LIPA: variants seen among roughly 807,000 people sequenced by gnomAD.
The protein encoded by LIPA is lipase A, lysosomal acid type.
LIPA carries 26 observed loss-of-function variants against 40.6 expected under a neutral mutation model. The ratio of observed to expected loss-of-function variants is 0.64; its 90% CI spans 0.47 to 0.89. LIPA has a LOEUF of 0.89. Among genes scored for constraint, LIPA ranks in the 40% least tolerant of loss-of-function variants. The pLI is 0.00. For missense variants in LIPA, 455 were observed against 479.6 expected (o/e 0.95, Z 0.48); for synonymous variants, 188 against 168.4 (o/e 1.12, Z -0.90).
chr10:89,230,606 C>T (rs988525729), intron 3 of LIPA, among the ~76,000 whole-genome samples: 4 of 152,058 alleles, frequency 2.6e-5, no homozygotes, highest in Admixed American at 2.6e-4. Flanking sequence ...ACGCCCAGCC[C>T]GATCATGAGT....
At chr10:89,401,600 C>G (rs944195114) in intron 2 of LIPA, among the ~76,000 whole-genome samples, 27 of 151,800 alleles carry the variant, frequency 1.8e-4, no homozygotes, top group African/African-American at 6.5e-4. Context: ...CATAGGCTTA[C>G]GTGAAAAAAA....
At chr10:89,389,950 A>G (rs903966253) in intron 2 of LIPA, among the ~76,000 whole-genome samples, 95 of 150,154 alleles carry the variant, frequency 6.3e-4, no homozygotes, top group Non-Finnish European at 1.5e-4. Flanking sequence ...GCAGGTCTAC[A>G]TCAAAATCAC....
chr10:89,238,226 C>T (rs962574073), intron 3 of LIPA, among the ~76,000 whole-genome samples: 1 of 152,160 alleles, frequency 6.6e-6, no homozygotes, highest in Admixed American at 6.6e-5. Flanking sequence ...TAAATAAAGT[C>T]AAGAGCTAAT....
rs762559980 is a variant in LIPA at position 89,226,950 on chromosome 10, AT to A, written c.482del (p.Asn161IlefsTer19). ...AATACACTTGTTCTTGGCCAGTTTT[AT>A]TCAGAATGAAGTTAATGGAAGCTGG... Reference protein sequence around the residue: ...DLPASINFILNKTGQEQVYYV... With the variant: ...DLPASINFILXKTGQEQVYYV... On this transcript the variant is annotated frameshift_variant, in exon 5 of 10. Transcript: ENST00000336233. LOFTEE classifies it high-confidence loss of function. 24 of 1,613,520 alleles carry A rather than the reference AT, an allele frequency of 1.5e-5. No individual in the cohort carries two copies. The highest frequency in any genetic ancestry group is 1.7e-5 in the Non-Finnish European group (20 of 1,179,676).
At chr10:89,286,156 T>A (rs1049817254) in intron 1 of LIPA, among the ~76,000 whole-genome samples, 1 of 152,102 alleles carries the variant, frequency 6.6e-6, no homozygotes, top group Admixed American at 6.5e-5. Context: ...GTGCCTGACG[T>A]CCAGGCATTC....
Position 89,373,334 on chromosome 10 carries a change from C to CAAA in LIPA, c.61+39454_61+39456dup, listed in dbSNP as rs34479360. ...TGGGCGACAGAGCGAGACTCCCTCT[C>CAAA]AAAAAAAAAAAAAAAAAAAAAAAAC... is the stretch of plus-strand genomic sequence containing the variant. On this transcript the variant is annotated intron_variant, in intron 2 of 8. Transcript: ENST00000371837. Among the ~76,000 whole-genome samples the CAAA allele has an allele frequency of 1.9e-3, 117 of 62,996 alleles. 1 individual carries two copies. The highest frequency in any genetic ancestry group is 4.3e-3 in the African/African-American group (71 of 16,334). 41.3% of individuals were successfully genotyped at this position (62,996 alleles called of 152,430 possible). A position where few individuals can be genotyped will look rare whatever the true frequency, so the allele number is the denominator to read the frequency against.
intron 1 of LIPA, among the ~76,000 whole-genome samples, chr10:89,316,513 T>TG (rs1843542420): frequency 6.6e-6 from 1 of 152,138 alleles, no homozygotes; most frequent in African/African-American, 2.4e-5. Context: ...GCAGTGAGGC[T>TG]GGGGGAGGGG....
chr10:89,234,190 C>G (rs957591703), intron 3 of LIPA, among the ~76,000 whole-genome samples: 1 of 152,226 alleles, frequency 6.6e-6, no homozygotes, highest in African/African-American at 2.4e-5. Flanking sequence ...TGACACTGCA[C>G]CCAGGCCTTG....
chr10:89,383,359 C>T (rs770492303), intron 2 of LIPA: 5 of 1,614,090 alleles, frequency 3.1e-6, no homozygotes, highest in Non-Finnish European at 4.2e-6. Context: ...CAGCCTGATT[C>T]AGCTGAGATG....
intron 8 of LIPA, among the ~76,000 whole-genome samples, chr10:89,218,184 G>A (rs561972677): frequency 2.2e-4 from 33 of 152,212 alleles, no homozygotes; most frequent in African/African-American, 7.5e-4. Context: ...AAATGTAAAC[G>A]GGTTCAACTT....
chr10:89,364,498 C>G (rs921237557), intron 2 of LIPA, among the ~76,000 whole-genome samples: 1 of 152,116 alleles, frequency 6.6e-6, no homozygotes, highest in African/African-American at 2.4e-5. Context: ...TCCATTTTCA[C>G]TTCTTAAGGC....
At chr10:89,293,092 G>A (rs1843385506) in intron 1 of LIPA, among the ~76,000 whole-genome samples, 1 of 152,150 alleles carries the variant, frequency 6.6e-6, no homozygotes, top group African/African-American at 2.4e-5. Context: ...TGGGAGGATT[G>A]GATCATAGGG....
At chr10:89,378,131 G>C in intron 2 of LIPA, 1 of 1,613,936 alleles carries the variant, frequency 6.2e-7, no homozygotes, top group Non-Finnish European at 8.5e-7. Flanking sequence ...TATCTTCATA[G>C]CACCATGAGG....
chr10:89,265,455 G>A (rs1387924492), intron 1 of LIPA, among the ~76,000 whole-genome samples: 1 of 152,236 alleles, frequency 6.6e-6, no homozygotes, highest in Non-Finnish European at 1.5e-5. Context: ...ATCAGAATCA[G>A]TAAACATATC....
At chr10:89,332,567 T>C in intron 1 of LIPA, 6 of 1,613,844 alleles carry the variant, frequency 3.7e-6, no homozygotes, top group Non-Finnish European at 5.1e-6. Flanking sequence ...ATCAGTAAGC[T>C]AAAAACAAAA....
chr10:89,215,047 T>C lies in LIPA; in HGVS notation c.981A>G (p.Thr327=), dbSNP rs1842606903. The stretch of plus-strand genomic sequence containing the variant: ...GCACAAGCATGTCCTTCACATTGTA[T>C]GTGGGAGGATAACTCTACAATGAAA... ...YFHYNQSYPP[T]YNVKDMLVPT... The change falls in exon 10 of 10, where the codon ACA becomes ACG. Residue 327 remains threonine, a synonymous_variant. Coordinates refer to ENST00000336233, the MANE Select transcript of LIPA (RefSeq NM_000235.4). 2 of 1,612,210 alleles carry C rather than the reference T, an allele frequency of 1.2e-6. No homozygotes were observed. Among genetic ancestry groups the C allele is most frequent in the Admixed American group, 3.3e-5 (2 of 59,996 alleles).
intron 2 of LIPA, among the ~76,000 whole-genome samples, chr10:89,408,851 C>T (rs1019489313): frequency 1.3e-4 from 20 of 152,252 alleles, no homozygotes; most frequent in African/African-American, 4.8e-4. Context: ...AATGACAGCC[C>T]AAGAAAGGGA....
chr10:89,281,965 G>A (rs1843318522), intron 1 of LIPA, among the ~76,000 whole-genome samples: 2 of 152,168 alleles, frequency 1.3e-5, no homozygotes, highest in South Asian at 2.1e-4. Flanking sequence ...TACTATTAGA[G>A]TTTTCCCTTT....
chr10:89,385,536 A>T (rs1009300249), intron 2 of LIPA, among the ~76,000 whole-genome samples: 3 of 152,330 alleles, frequency 2.0e-5, no homozygotes, highest in South Asian at 2.1e-4. Context: ...AGACCTAAAC[A>T]GGGAAGGTTT....
Sources: gnomAD v4.1 joint callset for allele counts (sites outside exome capture counted in the v4.1 genomes callset) on GRCh38, gnomAD v4.1.1 for gene constraint, MANE v1.5 for transcripts, NCBI Gene and HGNC (gene_info 2026-07-23, HGNC 2026-07-21) for gene names.